Variants in RORA observed in about 807,000 individuals in gnomAD.
RORA encodes nuclear receptor ROR-alpha.
A neutral mutation model predicts 69.5 loss-of-function variants in RORA; 7 were observed. The ratio of observed to expected loss-of-function variants is 0.10; its 90% CI spans 0.06 to 0.19. RORA has a LOEUF of 0.19. Ranked by LOEUF, RORA falls within the 10% of genes least tolerant of loss-of-function variation. RORA has a pLI of 1.00. For missense variants in RORA, 457 were observed against 663.0 expected, an observed-to-expected ratio of 0.69 and a Z score of 3.41; for synonymous variants, 261 against 240.8, an observed-to-expected ratio of 1.08 and a Z score of -0.78.
chr15:60,507,254 A>G (rs535163857), intron 5 of RORA, among the ~76,000 whole-genome samples: 1 of 152,374 alleles, frequency 6.6e-6, no homozygotes, highest in East Asian at 1.9e-4. Context: ...TTTTGAGTAT[A>G]GAATAGGCAA....
At chr15:60,686,790 G>A (rs943674745) in intron 1 of RORA, 3 of 152,298 alleles carry the variant, frequency 2.0e-5, no homozygotes, top group African/African-American at 7.2e-5. Context: ...AGCCCCCAAA[G>A]TCGAAGCTAC....
rs1404113192 is a variant in RORA, at chr15:60,849,526, T to C, written c.167-170840A>G. On this transcript the variant is annotated intron_variant, in intron 1 of 10. Transcript: ENST00000335670. ...TTGATGATCCTCCTACAGTCTCCAC[T>C]GAGAGACAAGCATGGGCACATCATA... Among the ~76,000 whole-genome samples the C allele has an allele frequency of 3.3e-5, 5 of 152,340 alleles. No homozygotes were observed. In the South Asian group the frequency reaches 1.0e-3, roughly 32 times the overall value.
intron 1 of RORA, among the ~76,000 whole-genome samples, chr15:61,181,800 A>T (rs1402210806): frequency 6.6e-6 from 1 of 152,152 alleles, no homozygotes; most frequent in Admixed American, 6.5e-5. Flanking sequence ...AGATGTCTGC[A>T]TACTCCAAAA....
intron 1 of RORA, among the ~76,000 whole-genome samples, chr15:61,035,551 G>C (rs181584771): frequency 4.6e-5 from 7 of 152,292 alleles, no homozygotes; most frequent in Admixed American, 3.9e-4. Context: ...ACTGCAGGGA[G>C]GTTGTGGGCC....
chr15:60,613,696 CTGTGTGTGTGTGTGTGTGTGTGTGTGTG>C (rs66616801), intron 2 of RORA, among the ~76,000 whole-genome samples: 1 of 125,324 alleles, frequency 8.0e-6, no homozygotes, highest in Non-Finnish European at 1.6e-5. Flanking sequence ...AATTTGATAT[CTGTGTGTGTGTGTGTGTGTGTGTGTGTG>C]TGTGTGTGTG....
chr15:60,625,629 C>A (rs1488594744), intron 2 of RORA, among the ~76,000 whole-genome samples: 1 of 152,090 alleles, frequency 6.6e-6, no homozygotes, highest in Non-Finnish European at 1.5e-5. Flanking sequence ...TTAAAAAGAA[C>A]AAGGAAATTG....
intron 1 of RORA, among the ~76,000 whole-genome samples, chr15:60,943,131 G>A (rs925379484): frequency 1.3e-5 from 2 of 152,206 alleles, no homozygotes; most frequent in Non-Finnish European, 2.9e-5. Flanking sequence ...GCTATGCATA[G>A]TAGCATCTTC....
intron 1 of RORA, among the ~76,000 whole-genome samples, chr15:60,987,004 A>T (rs980656821): frequency 2.0e-5 from 3 of 152,178 alleles, no homozygotes; most frequent in Admixed American, 2.0e-4. Flanking sequence ...AGCACTTTGG[A>T]TTCAGCTACT....
In RORA at chr15:61,214,133, T is replaced by A. The variant is rs540608674; in HGVS notation, c.166+14920A>T. On this transcript the variant is annotated intron_variant, in intron 1 of 10. Coordinates refer to ENST00000335670, the MANE Select transcript of RORA (RefSeq NM_134261.3). ...CTGAAGTCGCAAAATGTGAATCCAA[T>A]GAGGACTATAACTAATGAGAGCTAA... 5 of 152,330 alleles carry A rather than the reference T, an allele frequency of 3.3e-5. No individual in the cohort carries two copies. In the South Asian group the frequency reaches 1.0e-3, roughly 32 times the overall value. 9.4% of individuals were successfully genotyped at this position (152,330 alleles called of 1,614,324 possible).
intron 1 of RORA, among the ~76,000 whole-genome samples, chr15:60,991,150 A>C: frequency 6.6e-6 from 1 of 152,248 alleles, no homozygotes; most frequent in East Asian, 1.9e-4. Flanking sequence ...AGGAAATAAT[A>C]AAACTTCACT....
Position 61,129,612 on chromosome 15 carries a change from A to C in RORA, c.166+99441T>G, listed in dbSNP as rs58267301. ...AATTTTATGTTATGTATAATTTGCAATAAAAAATGTGATACTGTTTTAAAT... is the reference window on the plus strand; with the variant it reads ...AATTTTATGTTATGTATAATTTGCACTAAAAAATGTGATACTGTTTTAAAT... On this transcript the variant is annotated intron_variant, in intron 1 of 10. Transcript: ENST00000335670. Among the ~76,000 whole-genome samples, 328 of 152,364 alleles carry C rather than the reference A, an allele frequency of 2.2e-3. 2 individuals are homozygous for C. The highest frequency in any genetic ancestry group is 7.7e-3 in the African/African-American group (322 of 41,598).
chr15:60,885,512 A>G (rs955380618), intron 1 of RORA, among the ~76,000 whole-genome samples: 6 of 152,254 alleles, frequency 3.9e-5, no homozygotes, highest in South Asian at 2.1e-4. Context: ...ATTGTGAGAT[A>G]TAACAAAATG....
intron 2 of RORA, among the ~76,000 whole-genome samples, chr15:60,651,548 T>G (rs549639674): frequency 6.6e-6 from 1 of 152,302 alleles, no homozygotes; most frequent in African/African-American, 2.4e-5. Flanking sequence ...TTGTAACAGA[T>G]TTTTGATTAC....
intron 1 of RORA, among the ~76,000 whole-genome samples, chr15:60,896,357 C>T (rs925537834): frequency 2.6e-5 from 4 of 152,324 alleles, no homozygotes; most frequent in East Asian, 3.9e-4. Context: ...AGTCCATATG[C>T]GAATAAGCAT....
At chr15:60,992,589 T>A (rs1894415373) in intron 1 of RORA, among the ~76,000 whole-genome samples, 1 of 152,162 alleles carries the variant, frequency 6.6e-6, no homozygotes, top group Non-Finnish European at 1.5e-5. Context: ...TTCTCCTCAT[T>A]GCCACTACAG....
At chr15:60,608,272 A>G (rs545780528) in intron 2 of RORA, among the ~76,000 whole-genome samples, 1 of 152,258 alleles carries the variant, frequency 6.6e-6, no homozygotes, top group Non-Finnish European at 1.5e-5. Context: ...TGGATGCAGA[A>G]TAATACTTTT....
chr15:60,504,065 T>C (rs1567040946), intron 6 of RORA, among the ~76,000 whole-genome samples: 5 of 151,846 alleles, frequency 3.3e-5, no homozygotes. Flanking sequence ...CCTCCCAAAG[T>C]GCTGGGATTA....
intron 1 of RORA, among the ~76,000 whole-genome samples, chr15:61,019,699 G>A (rs981064877): frequency 5.9e-5 from 9 of 152,128 alleles, no homozygotes; most frequent in Non-Finnish European, 7.3e-5. Flanking sequence ...TCTCACATCT[G>A]TACTTATCCA....
intron 1 of RORA, among the ~76,000 whole-genome samples, chr15:60,680,590 C>A (rs1377481989): frequency 1.3e-5 from 2 of 152,194 alleles, no homozygotes; most frequent in Admixed American, 1.3e-4. Context: ...GGCAACAACA[C>A]AATCTCTCGG....
Sources: gnomAD v4.1 joint callset for allele counts (sites outside exome capture counted in the v4.1 genomes callset) on GRCh38, gnomAD v4.1.1 for gene constraint, MANE v1.5 for transcripts, NCBI Gene and HGNC (gene_info 2026-07-23, HGNC 2026-07-21) for gene names.